Variants in OPCML observed in about 807,000 individuals in gnomAD.
OPCML encodes the protein opioid binding protein/cell adhesion molecule like.
Under a neutral mutation model 37.8 loss-of-function variants are expected in OPCML, and 13 were observed. The observed-to-expected ratio is 0.34, with a 90% confidence interval of 0.22 to 0.55. OPCML has a LOEUF of 0.55. OPCML is among the 20% of genes least tolerant of loss of function. The pLI is 0.91. For missense variants in OPCML, 341 were observed against 435.6 expected (o/e 0.78, Z 1.93); for synonymous variants, 176 against 168.8 (o/e 1.04, Z -0.33).
intron 2 of OPCML, among the ~76,000 whole-genome samples, chr11:132,750,120 A>C (rs1459838122): frequency 2.0e-5 from 3 of 152,136 alleles, no homozygotes; most frequent in Admixed American, 6.5e-5. Flanking sequence ...AGATCACCTG[A>C]GGTCAGGGGT....
intron 1 of OPCML, among the ~76,000 whole-genome samples, chr11:133,021,261 A>G (rs1040876563): frequency 6.6e-6 from 1 of 152,092 alleles, no homozygotes; most frequent in Non-Finnish European, 1.5e-5. Context: ...TTTTTGCCCA[A>G]TTTTTTAGGC....
At chr11:133,197,965 G>T (rs531841386) in intron 1 of OPCML, among the ~76,000 whole-genome samples, 1 of 152,246 alleles carries the variant, frequency 6.6e-6, no homozygotes, top group African/African-American at 2.4e-5. Flanking sequence ...CTGCACAACC[G>T]CCAGGCCTAC....
intron 1 of OPCML, among the ~76,000 whole-genome samples, chr11:132,965,097 T>C (rs1294028666): frequency 6.6e-6 from 1 of 152,096 alleles, no homozygotes; most frequent in East Asian, 1.9e-4. Flanking sequence ...TGACACAGAG[T>C]AGGAAAATAA....
At chr11:133,291,293 G>A (rs970090075) in intron 1 of OPCML, among the ~76,000 whole-genome samples, 2 of 152,174 alleles carry the variant, frequency 1.3e-5, no homozygotes, top group Admixed American at 6.5e-5. Context: ...GATAATGATC[G>A]ATGCTTCATG....
Position 133,254,888 on chromosome 11 carries a change from A to G in OPCML, c.61+277376T>C, listed in dbSNP as rs148464620. 3.8e-3 allele frequency among the ~76,000 whole-genome samples: 575 copies of G among 152,264 alleles called. 2 individuals are homozygous for G. The highest frequency in any genetic ancestry group is 0.014 in the African/African-American group (562 of 41,546). The stretch of plus-strand genomic sequence containing the variant: ...ACGTTAAATTAAATGTAGGTTTGAC[A>G]AGCCCATTAAATACAACACTGAGTT... On this transcript the variant is annotated intron_variant, in intron 1 of 7. Coordinates refer to ENST00000524381, the MANE Select transcript of OPCML (RefSeq NM_001012393.5).
intron 1 of OPCML, among the ~76,000 whole-genome samples, chr11:133,357,528 C>A (rs1357927447): frequency 1.3e-5 from 2 of 152,230 alleles, no homozygotes; most frequent in African/African-American, 4.8e-5. Flanking sequence ...GCTACCAAAT[C>A]TTCAGAGTAC....
intron 1 of OPCML, among the ~76,000 whole-genome samples, chr11:133,151,315 G>GA (rs986146162): frequency 6.6e-6 from 1 of 151,656 alleles, no homozygotes; most frequent in Non-Finnish European, 1.5e-5. Context: ...AGGGGAAAAA[G>GA]AAAAAAACTT....
chr11:133,522,733 T>C (rs1948418361), intron 1 of OPCML, among the ~76,000 whole-genome samples: 1 of 152,202 alleles, frequency 6.6e-6, no homozygotes, highest in Non-Finnish European at 1.5e-5. Flanking sequence ...TCAGTCACTA[T>C]CTGACTATGT....
At chr11:133,388,112 G>T (rs1354811236) in intron 1 of OPCML, among the ~76,000 whole-genome samples, 1 of 152,116 alleles carries the variant, frequency 6.6e-6, no homozygotes, top group Non-Finnish European at 1.5e-5. Context: ...TTAGAGGGCC[G>T]CTGCCAGACT....
intron 1 of OPCML, among the ~76,000 whole-genome samples, chr11:133,483,684 ATAG>A (rs1947438981): frequency 1.5e-5 from 2 of 133,420 alleles, no homozygotes; most frequent in African/African-American, 6.2e-5. Flanking sequence ...TGATAGATAG[ATAG>A]ATAGATAGAT....
At position 133,277,466 on chromosome 11, in the gene OPCML, G is replaced by A. The variant is rs190964467; in HGVS notation, c.61+254798C>T. Among the ~76,000 whole-genome samples, 5 of 152,114 alleles carry A rather than the reference G, an allele frequency of 3.3e-5. No homozygotes were observed. In the South Asian group the frequency reaches 6.2e-4, roughly 19 times the overall value. ...TTTATACATTAGTTTAGGCATTTGG[G>A]TTTCTTCCAGACGAAGTTAAAATCT... is the stretch of plus-strand genomic sequence containing the variant. On this transcript the variant is annotated intron_variant, in intron 1 of 7. Transcript: ENST00000524381.
intron 2 of OPCML, among the ~76,000 whole-genome samples, chr11:132,827,732 C>T (rs1260258858): frequency 4.6e-5 from 7 of 152,110 alleles, no homozygotes; most frequent in Admixed American, 2.6e-4. Flanking sequence ...CTCCGCCTCC[C>T]GCATTCAAGT....
chr11:133,240,249 A>T (rs1008283280), intron 1 of OPCML, among the ~76,000 whole-genome samples: 2 of 151,996 alleles, frequency 1.3e-5, no homozygotes, highest in Non-Finnish European at 2.9e-5. Flanking sequence ...AGGGGCAAAA[A>T]AACAGACTTC....
chr11:132,948,383 TAA>T (rs1304585892), intron 1 of OPCML, among the ~76,000 whole-genome samples: 1 of 152,174 alleles, frequency 6.6e-6, no homozygotes, highest in East Asian at 1.9e-4. Flanking sequence ...CTTAGGATTG[TAA>T]AGTTTGAATA....
rs1383670577 is a variant in OPCML at position 132,943,924 on chromosome 11, C to T, written c.62-914G>A. Among the ~76,000 whole-genome samples the T allele has an allele frequency of 6.6e-6, 1 of 151,764 alleles. No individual in the cohort carries two copies. Among genetic ancestry groups the T allele is most frequent in the African/African-American group, 2.4e-5 (1 of 41,414 alleles). On this transcript the variant is annotated intron_variant, in intron 1 of 7. Transcript: ENST00000524381. The surrounding 1 kb of genome is among the most constrained non-coding windows in gnomAD (Gnocchi z 4.3). Reference sequence around the variant, plus strand: ...GGAGCAGCCCCGACGCGCGCGGGCCCGGACCGCCGGGGTTGTCATGGCAGC... The same window carrying T: ...GGAGCAGCCCCGACGCGCGCGGGCCTGGACCGCCGGGGTTGTCATGGCAGC...
At chr11:132,762,661 C>A (rs1448992255) in intron 2 of OPCML, among the ~76,000 whole-genome samples, 1 of 152,128 alleles carries the variant, frequency 6.6e-6, no homozygotes. Context: ...GATGCCCGTC[C>A]CCCCACCAAG....
intron 3 of OPCML, among the ~76,000 whole-genome samples, chr11:132,585,347 G>A: frequency 6.6e-6 from 1 of 151,650 alleles, no homozygotes; most frequent in East Asian, 2.0e-4. Flanking sequence ...TTTTTGGAAA[G>A]GTTAGAGAAG....
intron 2 of OPCML, among the ~76,000 whole-genome samples, chr11:132,829,635 T>A (rs944250060): frequency 6.6e-6 from 1 of 152,192 alleles, no homozygotes; most frequent in Non-Finnish European, 1.5e-5. Flanking sequence ...TTGGCCTACA[T>A]TAGCAGCCTC....
chr11:132,964,419 A>G (rs1470473854), intron 1 of OPCML, among the ~76,000 whole-genome samples: 1 of 152,114 alleles, frequency 6.6e-6, no homozygotes, highest in Non-Finnish European at 1.5e-5. Flanking sequence ...TCCTGATTCC[A>G]CCCCTGAGTA....
Sources: allele counts gnomAD v4.1 joint callset (sites outside exome capture counted in the v4.1 genomes callset), GRCh38; gene constraint gnomAD v4.1.1; non-coding constraint Gnocchi (gnomAD v3.1); transcripts MANE v1.5; gene names NCBI Gene and HGNC (gene_info 2026-07-23, HGNC 2026-07-21).